Variants in ZNF547 observed in about 807,000 individuals in gnomAD.
The protein encoded by ZNF547 is zinc finger protein 547.
ZNF547 carries 4 observed loss-of-function variants against 7.7 expected under a neutral mutation model. The ratio of observed to expected loss-of-function variants is 0.52; its 90% confidence interval spans 0.26 to 1.20. ZNF547 has a LOEUF of 1.20. ZNF547 is among the 50% of genes most tolerant of loss of function. The probability of loss-of-function intolerance (pLI) is 0.14; values close to 1 mark genes in which losing one functional copy is unlikely to be tolerated. For missense variants in ZNF547, 449 were observed against 485.8 expected (o/e 0.92, Z 0.71); for synonymous variants, 166 against 166.2 (o/e 1.00, Z 0.01).
chr19:57,373,231 A>G lies in ZNF547; in HGVS notation c.151+1323A>G, dbSNP rs180944869. On this transcript the variant is annotated intron_variant, in intron 3 of 3. Coordinates refer to ENST00000282282, the MANE Select transcript of ZNF547 (RefSeq NM_173631.4). Reference sequence around the variant, plus strand: ...ACAGGGCGGCAAGACAAATGAGTCCAAGCAGGGAAAATGCCAGACACATAA... The same window carrying G: ...ACAGGGCGGCAAGACAAATGAGTCCGAGCAGGGAAAATGCCAGACACATAA... Among the ~76,000 whole-genome samples, 52 of 152,314 alleles carry G rather than the reference A, an allele frequency of 3.4e-4. 1 individual carries two copies. Among genetic ancestry groups the G allele is most frequent in the Non-Finnish European group, 7.2e-4 (49 of 68,024 alleles).
rs577104372 is a variant in ZNF547, at chr19:57,364,596, C to T, written c.-13+893C>T. 2.3e-5 allele frequency: 13 copies of T among 570,912 alleles called. 1 individual carries two copies. In the South Asian group the frequency reaches 2.5e-4, roughly 11 times the overall value. 35.4% of individuals were successfully genotyped at this position (570,912 alleles called of 1,614,324 possible). A position where few individuals can be genotyped will look rare whatever the true frequency, so the allele number is the denominator to read the frequency against. ...TCTTTAGTAAAAATACAAAAATTAG[C>T]CGGGGGTGGTGACGCGCGCCTGTAA... On this transcript the variant is annotated intron_variant, in intron 1 of 3. Transcript: ENST00000282282.
intron 1 of ZNF547, chr19:57,364,991 T>C (rs1229116783): frequency 6.2e-7 from 1 of 1,612,970 alleles, no homozygotes; most frequent in African/African-American, 1.3e-5. Flanking sequence ...GATGAGAACA[T>C]GTGGCTGTCG....
At chr19:57,372,537 C>T (rs1382069619) in intron 3 of ZNF547, among the ~76,000 whole-genome samples, 1 of 152,184 alleles carries the variant, frequency 6.6e-6, no homozygotes. Flanking sequence ...GGACATGATC[C>T]TGGTTCCTGG....
chr19:57,378,811 TA>T lies in ZNF547; in HGVS notation c.*630del. 1 of 434,514 alleles carries T rather than the reference TA, an allele frequency of 2.3e-6. No homozygotes were observed. Among genetic ancestry groups the T allele is most frequent in the Non-Finnish European group, 4.5e-6 (1 of 220,316 alleles). 26.9% of individuals were successfully genotyped at this position (434,514 alleles called of 1,614,324 possible). On this transcript the variant is annotated 3_prime_UTR_variant, in exon 4 of 4. Transcript: ENST00000282282. ...AGAATATCCTGAACTCTTTATCTTG[TA>T]AAATGAAACTCTATAACCACCATTA...
chr19:57,373,555 C>G (rs1480633893), intron 3 of ZNF547, among the ~76,000 whole-genome samples: 1 of 151,720 alleles, frequency 6.6e-6, no homozygotes, highest in Non-Finnish European at 1.5e-5. Flanking sequence ...AAAGTCTCAT[C>G]TGAGATGAGG....
chr19:57,371,584 C>A, intron 2 of ZNF547, 198 bp from the exon 3 acceptor site: 1 of 773,630 alleles, frequency 1.3e-6, no homozygotes, highest in Non-Finnish European at 2.0e-6. Context: ...ATGGGAAATA[C>A]TGACTTGGTT....
chr19:57,378,360 A>G lies in ZNF547; in HGVS notation c.*175A>G. 1.4e-6 allele frequency: 1 copy of G among 730,426 alleles called. No individual in the cohort carries two copies. Among genetic ancestry groups the G allele is most frequent in the African/African-American group, 1.7e-5 (1 of 57,916 alleles). The allele number at this position is 730,426 out of a possible 1,614,324, so 45.2% of individuals were successfully genotyped here. On this transcript the variant is annotated 3_prime_UTR_variant, in exon 4 of 4. Transcript: ENST00000282282. ...ATTCACACTGCAGAAATGTGTGTTC[A>G]GCAAACTCGGGACATTATTTTGGTT...
intron 1 of ZNF547, chr19:57,365,201 C>G (rs2088458110): frequency 6.3e-7 from 1 of 1,589,744 alleles, no homozygotes; most frequent in Admixed American, 1.8e-5. Context: ...CCTATTCGAT[C>G]AAGTGCATTT....
Position 57,377,922 on chromosome 19 carries a change from A to G in ZNF547, c.946A>G (p.Arg316Gly). 2.5e-6 allele frequency: 4 copies of G among 1,614,188 alleles called. No individual in the cohort carries two copies. The highest frequency in any genetic ancestry group is 3.4e-6 in the Non-Finnish European group (4 of 1,180,042). ...AAGGTCTACACTCAGTAGACATCAG[A>G]GAGTTCACACTGGAGAAAGGCCTTA... ...MERSTLSRHQ[R>G]VHTGERPYEC... is the part of the protein sequence containing the mutation. The change falls in exon 4 of 4, where the codon AGA becomes GGA. Residue 316 changes from arginine to glycine, a missense_variant. By Grantham distance (125) the Arg-to-Gly change is moderately radical (BLOSUM62 -2). Transcript: ENST00000282282.
At chr19:57,373,716 C>A (rs569747390) in intron 3 of ZNF547, among the ~76,000 whole-genome samples, 30 of 152,288 alleles carry the variant, frequency 2.0e-4, no homozygotes, top group Admixed American at 1.8e-3. Flanking sequence ...AAGTCCAAAA[C>A]CCAGCGAGGC....
intron 1 of ZNF547, among the ~76,000 whole-genome samples, chr19:57,367,491 G>A (rs1464068702): frequency 6.6e-6 from 1 of 150,832 alleles, no homozygotes; most frequent in Non-Finnish European, 1.5e-5. Flanking sequence ...ATCCAATTTG[G>A]TAGGGAAGTC....
At chr19:57,364,990 A>T (rs1600073960) in intron 1 of ZNF547, 1 of 1,613,042 alleles carries the variant, frequency 6.2e-7, no homozygotes, top group East Asian at 2.2e-5. Context: ...AGATGAGAAC[A>T]TGTGGCTGTC....
chr19:57,368,934 C>CT (rs2088487819), intron 2 of ZNF547, among the ~76,000 whole-genome samples: 1 of 152,090 alleles, frequency 6.6e-6, no homozygotes, highest in Non-Finnish European at 1.5e-5. Flanking sequence ...CTGCAAGTGT[C>CT]TGTTATATCG....
rs368023771 is a variant in ZNF547, at chr19:57,368,543, G to C, written c.-12-1G>C. On this transcript the variant is annotated splice_acceptor_variant, in intron 1 of 3. Transcript: ENST00000282282. LOFTEE classifies it low-confidence loss of function (5UTR_SPLICE). ...TTCTCACGGTTTCCCTCTTCCTTCA[G>C]GGTCCCCTGGCGATGGCAGAAATGA... is the stretch of plus-strand genomic sequence containing the variant. The C allele has an allele frequency of 1.4e-5, 23 of 1,613,962 alleles. No individual in the cohort carries two copies. In the Middle Eastern group the frequency reaches 4.9e-4, roughly 35 times the overall value.
At chr19:57,364,871 A>C in intron 1 of ZNF547, 1 of 1,611,550 alleles carries the variant, frequency 6.2e-7, no homozygotes. Flanking sequence ...GTTGGTCACC[A>C]TGATAATCCA....
Position 57,378,740 on chromosome 19 carries a change from G to T in ZNF547, c.*555G>T, listed in dbSNP as rs1397082278. 1.6e-5 allele frequency: 7 copies of T among 434,032 alleles called. No homozygotes were observed. Among genetic ancestry groups the T allele is most frequent in the South Asian group, 1.2e-4 (7 of 58,802 alleles). The allele number at this position is 434,032 out of a possible 1,614,324, so 26.9% of individuals were successfully genotyped here. ...CATAAAATTTGCCATCTTAACTATT[G>T]TAATGTCTTGTTTAATACTTGAAGT... On this transcript the variant is annotated 3_prime_UTR_variant, in exon 4 of 4. Coordinates refer to ENST00000282282, the MANE Select transcript of ZNF547 (RefSeq NM_173631.4).
intron 3 of ZNF547, among the ~76,000 whole-genome samples, chr19:57,375,661 CAAAAAAAAAAAAA>C (rs67290425): frequency 3.3e-5 from 3 of 91,498 alleles, no homozygotes; most frequent in Non-Finnish European, 4.3e-5. Flanking sequence ...GAGTTTGTCT[CAAAAAAAAAAAAA>C]AAAAAAAAAA....
intron 2 of ZNF547, among the ~76,000 whole-genome samples, chr19:57,369,832 A>G (rs939978625): frequency 1.3e-5 from 2 of 149,554 alleles, no homozygotes; most frequent in African/African-American, 4.9e-5. Flanking sequence ...CTGTTTTCAT[A>G]TTGCTACAAA....
chr19:57,377,205 C>T lies in ZNF547; in HGVS notation c.229C>T (p.Pro77Ser), dbSNP rs377518505. 2 of 1,614,060 alleles carry T rather than the reference C, an allele frequency of 1.2e-6. No homozygotes were observed. Among genetic ancestry groups the T allele is most frequent in the African/African-American group, 2.7e-5 (2 of 74,928 alleles). ...VSVGVSQVMA[P>S]KPCLSTQNTQ... The stretch of plus-strand genomic sequence containing the variant: ...TGTAGGAGTGTCACAGGTCATGGCT[C>T]CAAAGCCCTGTCTATCTACCCAGAA... The change falls in exon 4 of 4, where the codon CCA becomes TCA. Residue 77 changes from proline (P) to serine (S), a missense_variant. Physicochemically the swap from Pro to Ser is moderately conservative, Grantham distance 74 (BLOSUM62 -1). Transcript: ENST00000282282.
Sources: gnomAD v4.1 joint callset for allele counts (sites outside exome capture counted in the v4.1 genomes callset) on GRCh38, gnomAD v4.1.1 for gene constraint, MANE v1.5 for transcripts, NCBI Gene and HGNC (gene_info 2026-07-23, HGNC 2026-07-21) for gene names.